Variants in SAYSD1 observed in about 807,000 individuals in gnomAD.
The protein encoded by SAYSD1 is SAYSvFN domain-containing protein 1.
A neutral mutation model predicts 14.5 loss-of-function variants in SAYSD1; 15 were observed. That is an observed-to-expected ratio of 1.03 (90% CI 0.69 to 1.59). SAYSD1 has a LOEUF of 1.59. Ranked by LOEUF, SAYSD1 falls within the 40% of genes most tolerant of loss-of-function variation. The probability of loss-of-function intolerance (pLI) is 0.00; values close to 1 mark genes in which losing one functional copy is unlikely to be tolerated. For synonymous variants in SAYSD1, 105 were observed against 102.6 expected, an observed-to-expected ratio of 1.02 and a Z score of -0.14; for missense variants, 247 against 227.3, an observed-to-expected ratio of 1.09 and a Z score of -0.56.
chr6:39,106,339 C>G (rs1441436613), intron 1 of SAYSD1, among the ~76,000 whole-genome samples: 1 of 152,000 alleles, frequency 6.6e-6, no homozygotes, highest in East Asian at 1.9e-4. Context: ...ACCAGCCTGG[C>G]CAACATGGTG....
In SAYSD1 at chr6:39,115,000, G is replaced by A. The variant is rs758662017; in HGVS notation, c.90C>T (p.Thr30=). 3.7e-6 allele frequency: 6 copies of A among 1,613,672 alleles called. No individual in the cohort carries two copies. The African/African-American group carries it at 4.0e-5, about 11-fold the overall frequency. The stretch of plus-strand genomic sequence containing the variant: ...CTGCTGCTTCCGCCTTCTCTCCTGG[G>A]GTTTGTGCGCCCTGACTGGCAGCAG... ...QPPAASQGAQ[T]PGEKAEAAAT... is the part of the protein sequence containing the mutation. Residue 30 remains threonine (T), a synonymous_variant, in exon 1 of 2, where the codon ACC becomes ACT. Coordinates refer to ENST00000229903, the MANE Select transcript of SAYSD1 (RefSeq NM_018322.3).
rs1473890678 is a variant in SAYSD1 at position 39,105,778 on chromosome 6, T to C, written c.208-2A>G. 1.2e-6 allele frequency: 2 copies of C among 1,609,772 alleles called. No homozygotes were observed. Among genetic ancestry groups the C allele is most frequent in the East Asian group, 2.2e-5 (1 of 44,836 alleles). On this transcript the variant is annotated splice_acceptor_variant, in intron 1 of 1. Coordinates refer to ENST00000229903, the MANE Select transcript of SAYSD1 (RefSeq NM_018322.3). LOFTEE classifies it high-confidence loss of function. ...GCTGCCCTGGGGCTGAGCCGCTTCC[T>C]AGGATACACAAACAAACAAAAGAAA...
chr6:39,115,064 C>T lies in SAYSD1; in HGVS notation c.26G>A (p.Arg9Gln), dbSNP rs756057513. Residue 9 changes from arginine (R) to glutamine (Q), a missense_variant, in exon 1 of 2, where the codon CGG becomes CAG. Physicochemically the swap from Arg to Gln is conservative, Grantham distance 43. Coordinates refer to ENST00000229903, the MANE Select transcript of SAYSD1 (RefSeq NM_018322.3). Reference protein sequence around the residue: MEQRLAEFRAARKRAGLAA... With the variant: MEQRLAEFQAARKRAGLAA... ...CAGACCCGCCCGTTTCCGCGCCGCC[C>T]GAAACTCAGCTAACCGCTGTTCCAT... is the stretch of plus-strand genomic sequence containing the variant. 6.2e-7 allele frequency: 1 copy of T among 1,609,346 alleles called. No individual in the cohort carries two copies. Among genetic ancestry groups the T allele is most frequent in the Non-Finnish European group, 8.5e-7 (1 of 1,179,762 alleles).
At chr6:39,113,092 C>G (rs1486422926) in intron 1 of SAYSD1, 1 of 152,136 alleles carries the variant, frequency 6.6e-6, no homozygotes, top group Admixed American at 6.5e-5. Flanking sequence ...AGAAAGCAGA[C>G]TGACATTTGT....
intron 1 of SAYSD1, chr6:39,109,564 T>C (rs977841545): frequency 2.1e-6 from 3 of 1,425,770 alleles, no homozygotes; most frequent in African/African-American, 1.4e-5. Context: ...TTTAGTTATT[T>C]TGATGGCCAA....
intron 1 of SAYSD1, chr6:39,111,320 A>G (rs1211311628): frequency 1.3e-5 from 2 of 152,212 alleles, no homozygotes; most frequent in Non-Finnish European, 2.9e-5. Context: ...ACATCAGAGG[A>G]AGAACAGGAA....
chr6:39,114,602 C>T (rs1769697070), intron 1 of SAYSD1, among the ~76,000 whole-genome samples: 1 of 152,264 alleles, frequency 6.6e-6, no homozygotes, highest in African/African-American at 2.4e-5. Flanking sequence ...CACGATAACT[C>T]AATTCGGAGT....
At chr6:39,108,378 G>C (rs768214012) in intron 1 of SAYSD1, among the ~76,000 whole-genome samples, 14 of 151,252 alleles carry the variant, frequency 9.3e-5, no homozygotes, top group East Asian at 2.0e-4. Flanking sequence ...GGGCCTTTAT[G>C]GGGGGTGGCA....
Position 39,115,147 on chromosome 6 carries a change from C to A in SAYSD1, c.-58G>T. ...GAGCGCGCGCCCGCAGGCCGCACAG[C>A]AGTTGCCTCCGCTCGGCCCGCGCCG... On this transcript the variant is annotated 5_prime_UTR_variant, in exon 1 of 2. Coordinates refer to ENST00000229903, the MANE Select transcript of SAYSD1 (RefSeq NM_018322.3). The A allele has an allele frequency of 4.0e-6, 6 of 1,482,654 alleles. No homozygotes were observed. The highest frequency in any genetic ancestry group is 5.4e-6 in the Non-Finnish European group (6 of 1,116,054). 91.8% of individuals were successfully genotyped at this position (1,482,654 alleles called of 1,614,324 possible).
chr6:39,105,203 A>C lies in SAYSD1; in HGVS notation c.*229T>G, dbSNP rs1330366938. On this transcript the variant is annotated 3_prime_UTR_variant, in exon 2 of 2. Coordinates refer to ENST00000229903, the MANE Select transcript of SAYSD1 (RefSeq NM_018322.3). The stretch of plus-strand genomic sequence containing the variant: ...AACAGGTCTCCCTTCTTGAGTACAT[A>C]ATTTTTATAAATTGCGTCGGACCCA... 1 of 523,038 alleles carries C rather than the reference A, an allele frequency of 1.9e-6. No individual in the cohort carries two copies. Among genetic ancestry groups the C allele is most frequent in the South Asian group, 2.3e-5 (1 of 42,680 alleles). The allele number at this position is 523,038 out of a possible 1,614,324, so 32.4% of individuals were successfully genotyped here. A position where few individuals can be genotyped will look rare whatever the true frequency, so the allele number is the denominator to read the frequency against.
rs1769474985 is a variant in SAYSD1, at chr6:39,105,338, G to C, written c.*94C>G. On this transcript the variant is annotated 3_prime_UTR_variant, in exon 2 of 2. Transcript: ENST00000229903. The stretch of plus-strand genomic sequence containing the variant: ...ATGCAGTCACAGAGCTAACCCGCAA[G>C]CTGCCCTTAGTCCTATACACCTGAA... 6 of 1,010,560 alleles carry C rather than the reference G, an allele frequency of 5.9e-6. No individual in the cohort carries two copies. Among genetic ancestry groups the C allele is most frequent in the Non-Finnish European group, 7.4e-6 (5 of 675,808 alleles). 62.6% of individuals were successfully genotyped at this position (1,010,560 alleles called of 1,614,324 possible). A position where few individuals can be genotyped will look rare whatever the true frequency, so the allele number is the denominator to read the frequency against.
chr6:39,110,741 A>C (rs1174280336), intron 1 of SAYSD1: 4 of 152,216 alleles, frequency 2.6e-5, no homozygotes, highest in Admixed American at 6.5e-5. Flanking sequence ...GATAGGTTGA[A>C]AAGAACAGCT....
chr6:39,110,875 A>C (rs557454435), intron 1 of SAYSD1: 1 of 152,288 alleles, frequency 6.6e-6, no homozygotes, highest in Admixed American at 6.5e-5. Flanking sequence ...GTGGTCTGAC[A>C]AGCACTCACA....
At chr6:39,106,783 T>C in intron 1 of SAYSD1, among the ~76,000 whole-genome samples, 1 of 152,204 alleles carries the variant, frequency 6.6e-6, no homozygotes, top group South Asian at 2.1e-4. Flanking sequence ...TCCAAACTCC[T>C]TGGGCTGGAA....
Position 39,114,957 on chromosome 6 carries a change from G to C in SAYSD1, c.133C>G (p.Pro45Ala). ...AEAAATLKAA[P>A]GWLKRFLVWK... ...ACCAGGAACCGCTTTAGCCAGCCTG[G>C]GGCTGCCTTTAGAGTCGCTGCTGCT... is the stretch of plus-strand genomic sequence containing the variant. The change falls in exon 1 of 2, where the codon CCA becomes GCA. Residue 45 changes from proline to alanine, a missense_variant. Coordinates refer to ENST00000229903, the MANE Select transcript of SAYSD1 (RefSeq NM_018322.3). 1 of 1,613,880 alleles carries C rather than the reference G, an allele frequency of 6.2e-7. No individual in the cohort carries two copies. The highest frequency in any genetic ancestry group is 1.7e-5 in the Admixed American group (1 of 60,038).
chr6:39,105,408 G>T lies in SAYSD1; in HGVS notation c.*24C>A. ...GTGAGGAAGACCACATCAGAGGTTAGCTGCATGACAGCACAGCTGGGTCCT... is the reference window on the plus strand; with the variant it reads ...GTGAGGAAGACCACATCAGAGGTTATCTGCATGACAGCACAGCTGGGTCCT... On this transcript the variant is annotated 3_prime_UTR_variant, in exon 2 of 2. Coordinates refer to ENST00000229903, the MANE Select transcript of SAYSD1 (RefSeq NM_018322.3). The T allele has an allele frequency of 6.3e-7, 1 of 1,599,606 alleles. No individual in the cohort carries two copies. The highest frequency in any genetic ancestry group is 1.1e-5 in the South Asian group (1 of 90,238).
chr6:39,109,325 T>C, intron 1 of SAYSD1: 1 of 1,551,066 alleles, frequency 6.4e-7, no homozygotes, highest in East Asian at 2.4e-5. Flanking sequence ...AGCATTTTTG[T>C]CCTAATGTGG....
chr6:39,115,172 G>T lies in SAYSD1; in HGVS notation c.-83C>A, dbSNP rs1769726048. 1 of 1,330,002 alleles carries T rather than the reference G, an allele frequency of 7.5e-7. No individual in the cohort carries two copies. The highest frequency in any genetic ancestry group is 2.6e-5 in the East Asian group (1 of 39,066). The allele number at this position is 1,330,002 out of a possible 1,614,324, so 82.4% of individuals were successfully genotyped here. On this transcript the variant is annotated 5_prime_UTR_variant, in exon 1 of 2. Coordinates refer to ENST00000229903, the MANE Select transcript of SAYSD1 (RefSeq NM_018322.3). ...CAGTTGCCTCCGCTCGGCCCGCGCC[G>T]GCCGCCGTGCGCCTGCGTGGCAGAA...
Position 39,114,892 on chromosome 6 carries a change from G to A in SAYSD1, c.198C>T (p.Gly66=). The part of the protein sequence containing the change: ...PRPASARAQP[G]LVQEAAQPQG... ...GTTTCCATCGTCTCACCTGAACTAGGCCGGGCTGGGCCCGGGCACTCGCGG... is the reference window on the plus strand; with the variant it reads ...GTTTCCATCGTCTCACCTGAACTAGACCGGGCTGGGCCCGGGCACTCGCGG... Residue 66 remains glycine (G), a synonymous_variant, in exon 1 of 2, where the codon GGC becomes GGT. Coordinates refer to ENST00000229903, the MANE Select transcript of SAYSD1 (RefSeq NM_018322.3). The A allele has an allele frequency of 6.2e-7, 1 of 1,612,270 alleles. No homozygotes were observed. Among genetic ancestry groups the A allele is most frequent in the Non-Finnish European group, 8.5e-7 (1 of 1,179,812 alleles).
Sources: gnomAD v4.1 joint callset for allele counts (sites outside exome capture counted in the v4.1 genomes callset) on GRCh38, gnomAD v4.1.1 for gene constraint, MANE v1.5 for transcripts, NCBI Gene and HGNC (gene_info 2026-07-23, HGNC 2026-07-21) for gene names.